ABL2: variants seen among roughly 807,000 people sequenced by gnomAD.
ABL2 encodes the protein ABL proto-oncogene 2, non-receptor tyrosine kinase, also known as tyrosine-protein kinase ABL2.
ABL2 carries 49 observed loss-of-function variants against 107.7 expected under a neutral mutation model. The observed-to-expected ratio is 0.45, with a 90% CI of 0.36 to 0.58. The LOEUF is 0.58. Ranked by LOEUF, ABL2 falls within the 20% of genes least tolerant of loss-of-function variation. The pLI, the probability that ABL2 is intolerant of heterozygous loss-of-function variation, is 0.00. For missense variants in ABL2, 1,245 were observed against 1,457.0 expected, an observed-to-expected ratio of 0.85 and a Z score of 2.37; for synonymous variants, 549 against 548.6, an observed-to-expected ratio of 1.00 and a Z score of -0.01.
At chr1:179,111,281 CTTTTTTTT>C (rs748453531) in intron 10 of ABL2, among the ~76,000 whole-genome samples, 5 of 82,276 alleles carry the variant, frequency 6.1e-5, no homozygotes, top group Admixed American at 1.5e-4. Flanking sequence ...AGTGCTCAGT[CTTTTTTTT>C]TTTTTTTTTT....
intron 1 of ABL2, among the ~76,000 whole-genome samples, chr1:179,193,592 G>A (rs988725149): frequency 6.6e-6 from 1 of 152,088 alleles, no homozygotes; most frequent in Non-Finnish European, 1.5e-5. Context: ...TTTTAGTAGA[G>A]ATGGGGTTTC....
chr1:179,171,557 T>C (rs985447462), intron 1 of ABL2, among the ~76,000 whole-genome samples: 4 of 152,230 alleles, frequency 2.6e-5, no homozygotes, highest in Non-Finnish European at 5.9e-5. Flanking sequence ...AGTGGCACCA[T>C]CATAGCTCAG....
chr1:179,131,327 T>A lies in ABL2; in HGVS notation c.375A>T (p.Thr125=), dbSNP rs780736898. The A allele has an allele frequency of 3.7e-6, 6 of 1,613,750 alleles. No individual in the cohort carries two copies. The East Asian group carries it at 8.9e-5, about 24-fold the overall frequency. ...LYDFVASGDN[T]LSITKGEKLR... Reference sequence around the variant, plus strand: ...AAGCCTCACCTTTAGTGATGCTGAGTGTGTTATCACCACTTGCTACAAAAT... The same window carrying A: ...AAGCCTCACCTTTAGTGATGCTGAGAGTGTTATCACCACTTGCTACAAAAT... The change falls in exon 3 of 12, where the codon ACA becomes ACT. Residue 125 remains threonine, a synonymous_variant. Coordinates refer to ENST00000502732, the MANE Select transcript of ABL2 (RefSeq NM_007314.4).
intron 1 of ABL2, among the ~76,000 whole-genome samples, chr1:179,199,346 GTCTCAGTGGGTGATTGTGGA>G (rs1406078830): frequency 2.0e-5 from 3 of 152,106 alleles, no homozygotes; most frequent in African/African-American, 7.2e-5. Context: ...ACTATAAAAA[GTCTCAGTGGGTGATTGTGGA>G]GATCCATTTA....
At chr1:179,186,027 T>C (rs924716972) in intron 1 of ABL2, among the ~76,000 whole-genome samples, 5 of 151,964 alleles carry the variant, frequency 3.3e-5, no homozygotes, top group Non-Finnish European at 7.4e-5. Flanking sequence ...GGGAGATCAC[T>C]TAAGGCCAGG....
chr1:179,184,240 G>T, intron 1 of ABL2: 1 of 525,296 alleles, frequency 1.9e-6, no homozygotes, highest in South Asian at 1.9e-5. Flanking sequence ...TCAGGTTACA[G>T]AATAGACTTT....
chr1:179,164,510 T>C (rs1220443404), intron 1 of ABL2, among the ~76,000 whole-genome samples: 1 of 152,198 alleles, frequency 6.6e-6, no homozygotes, highest in African/African-American at 2.4e-5. Context: ...ATTGCCTATG[T>C]TATTTAGGCA....
At chr1:179,145,951 T>G (rs1571194584) in intron 1 of ABL2, among the ~76,000 whole-genome samples, 1 of 149,758 alleles carries the variant, frequency 6.7e-6, no homozygotes, top group South Asian at 2.1e-4. Flanking sequence ...TGGGGTGCAG[T>G]GGCGTGATCT....
intron 11 of ABL2, among the ~76,000 whole-genome samples, chr1:179,109,993 T>A (rs988837206): frequency 6.6e-6 from 1 of 151,862 alleles, no homozygotes; most frequent in Non-Finnish European, 1.5e-5. Flanking sequence ...TCAACACTCA[T>A]CCTTTCTTTA....
rs78611036 is a variant in ABL2, at chr1:179,109,552, T to C, written c.1826-111A>G. 1.1e-3 allele frequency: 1,545 copies of C among 1,468,444 alleles called. 19 individuals are homozygous for C. In the African/African-American group the frequency reaches 0.019, roughly 18 times the overall value. 91.0% of individuals were successfully genotyped at this position (1,468,444 alleles called of 1,614,324 possible). A position where few individuals can be genotyped will look rare whatever the true frequency, so the allele number is the denominator to read the frequency against. On this transcript the variant is annotated intron_variant, in intron 11 of 11. Transcript: ENST00000502732. ...GTCAGCATTTATCAAAGGTCAGGTG[T>C]TGGCAGGACTCAGAAGCAAATAATA...
chr1:179,125,080 C>T (rs1655614321), intron 4 of ABL2, among the ~76,000 whole-genome samples: 1 of 152,166 alleles, frequency 6.6e-6, no homozygotes, highest in Non-Finnish European at 1.5e-5. Context: ...AGAGTAGGGG[C>T]CAGCAAACTC....
rs141845515 is a variant in ABL2, at chr1:179,219,991, C to G, written c.157+9250G>C. 8.7e-4 allele frequency among the ~76,000 whole-genome samples: 133 copies of G among 152,334 alleles called. 1 individual carries two copies. Among genetic ancestry groups the G allele is most frequent in the African/African-American group, 3.1e-3 (127 of 41,574 alleles). On this transcript the variant is annotated intron_variant, in intron 1 of 11. Transcript: ENST00000502732. ...TTAAGAGTCTCGTACAATTTTATCA[C>G]TTAATTATTTCAACAACCTGTTGTG... is the stretch of plus-strand genomic sequence containing the variant.
At chr1:179,174,974 T>G (rs1056553654) in intron 1 of ABL2, among the ~76,000 whole-genome samples, 2 of 149,214 alleles carry the variant, frequency 1.3e-5, no homozygotes, top group Admixed American at 1.3e-4. Flanking sequence ...AAGGAGAAAG[T>G]AGAGAAATAT....
intron 1 of ABL2, among the ~76,000 whole-genome samples, chr1:179,168,814 G>A (rs1659542563): frequency 6.6e-6 from 1 of 152,160 alleles, no homozygotes; most frequent in African/African-American, 2.4e-5. Flanking sequence ...TAAGGACACT[G>A]CTATATGACA....
intron 1 of ABL2, among the ~76,000 whole-genome samples, chr1:179,198,693 C>CAAA (rs534990752): frequency 0.015 from 526 of 34,740 alleles, 14 homozygotes; most frequent in African/African-American, 0.029. Flanking sequence ...ACTCCATCTC[C>CAAA]AAAAAAAAAA....
chr1:179,136,056 C>T (rs1202328367), intron 1 of ABL2, among the ~76,000 whole-genome samples: 6 of 149,778 alleles, frequency 4.0e-5, no homozygotes, highest in African/African-American at 9.8e-5. Context: ...CCCCTCTGCC[C>T]GGCCAGCCGC....
Position 179,133,378 on chromosome 1 carries a change from T to A in ABL2, c.158-4A>T. The A allele has an allele frequency of 6.2e-7, 1 of 1,614,140 alleles. No individual in the cohort carries two copies. The highest frequency in any genetic ancestry group is 1.3e-5 in the African/African-American group (1 of 75,032). ...TCCACACAGCTGGCAAAGTGATCTATTTAAGAAAAAAATTGACCACGTCAC... is the reference window on the plus strand; with the variant it reads ...TCCACACAGCTGGCAAAGTGATCTAATTAAGAAAAAAATTGACCACGTCAC... On this transcript the variant is annotated splice_region_variant and splice_polypyrimidine_tract_variant and intron_variant, in intron 1 of 11. Coordinates refer to ENST00000502732, the MANE Select transcript of ABL2 (RefSeq NM_007314.4).
At chr1:179,110,866 C>G (rs193251928) in intron 10 of ABL2, 1 of 1,613,680 alleles carries the variant, frequency 6.2e-7, no homozygotes, top group East Asian at 2.2e-5. Context: ...ACAGGGTATA[C>G]GTGTATTCAG....
intron 1 of ABL2, among the ~76,000 whole-genome samples, chr1:179,135,761 G>A (rs1329719664): frequency 4.9e-5 from 7 of 141,878 alleles, no homozygotes; most frequent in African/African-American, 1.6e-4. Context: ...CAGCTGCCCC[G>A]TCCGGGAGGG....
Sources: gnomAD v4.1 joint callset for allele counts (sites outside exome capture counted in the v4.1 genomes callset) on GRCh38, gnomAD v4.1.1 for gene constraint, MANE v1.5 for transcripts, NCBI Gene and HGNC (gene_info 2026-07-23, HGNC 2026-07-21) for gene names.